Variants in PIK3C2G observed in about 807,000 individuals in gnomAD.
PIK3C2G encodes the protein phosphatidylinositol-4-phosphate 3-kinase catalytic subunit type 2 gamma.
In PIK3C2G, 168 loss-of-function variants were observed where a neutral mutation model predicts 181.1. The observed-to-expected ratio is 0.93, with a 90% CI of 0.82 to 1.05. PIK3C2G has a LOEUF of 1.05. PIK3C2G is among the 50% of genes least tolerant of loss of function. The probability of loss-of-function intolerance (pLI) is 0.00; values close to 1 mark genes in which losing one functional copy is unlikely to be tolerated. For synonymous variants in PIK3C2G, 573 were observed against 592.2 expected (o/e 0.97, Z 0.47); for missense variants, 1,869 against 1,732.8 (o/e 1.08, Z -1.40).
At chr12:18,509,425 T>C (rs1481198627) in intron 24 of PIK3C2G, among the ~76,000 whole-genome samples, 1 of 152,220 alleles carries the variant, frequency 6.6e-6, no homozygotes, top group Non-Finnish European at 1.5e-5. Flanking sequence ...AAGAAGGATC[T>C]TGAGAAAAAA....
intron 1 of PIK3C2G, among the ~76,000 whole-genome samples, chr12:18,263,647 C>A (rs966194374): frequency 1.3e-5 from 2 of 152,080 alleles, no homozygotes; most frequent in African/African-American, 4.8e-5. Context: ...TATTCTTTAC[C>A]TCCTGAATTA....
chr12:18,379,724 G>A (rs1201476909), intron 13 of PIK3C2G, among the ~76,000 whole-genome samples: 2 of 152,130 alleles, frequency 1.3e-5, no homozygotes, highest in Non-Finnish European at 2.9e-5. Flanking sequence ...GGCTCCCCCA[G>A]CTTGGCCAGG....
the PIK3C2G span, among the ~76,000 whole-genome samples, chr12:18,680,080 T>C: frequency 6.8e-6 from 1 of 147,332 alleles, no homozygotes; most frequent in South Asian, 2.1e-4. Context: ...CAGTGTGTTA[T>C]TACTTGGAAA....
chr12:18,461,622 TTTG>T (rs1387627346), intron 18 of PIK3C2G, among the ~76,000 whole-genome samples: 1 of 152,154 alleles, frequency 6.6e-6, no homozygotes, highest in Non-Finnish European at 1.5e-5. Flanking sequence ...TCTAACTTGG[TTTG>T]TTAATAGTGT....
intron 18 of PIK3C2G, among the ~76,000 whole-genome samples, chr12:18,441,867 A>C (rs1190615624): frequency 6.6e-6 from 1 of 152,194 alleles, no homozygotes; most frequent in Non-Finnish European, 1.5e-5. Flanking sequence ...CAGCATTGTG[A>C]ATCATTCTAT....
intron 5 of PIK3C2G, among the ~76,000 whole-genome samples, chr12:18,312,737 C>G (rs1356026725): frequency 6.6e-6 from 1 of 152,070 alleles, no homozygotes; most frequent in Non-Finnish European, 1.5e-5. Flanking sequence ...TAGGAATAGG[C>G]ACTGAACATA....
intron 1 of PIK3C2G, among the ~76,000 whole-genome samples, chr12:18,274,772 G>T (rs1037116770): frequency 1.3e-5 from 2 of 152,090 alleles, no homozygotes; most frequent in African/African-American, 2.4e-5. Context: ...CCTGCACGTT[G>T]TGCACATGTA....
the PIK3C2G span, among the ~76,000 whole-genome samples, chr12:18,664,316 T>C: frequency 6.6e-6 from 1 of 152,188 alleles, no homozygotes; most frequent in Non-Finnish European, 1.5e-5. Context: ...AAAATATATT[T>C]GTACATCCAT....
At chr12:18,692,659 A>C in the PIK3C2G span, 1 of 645,964 alleles carries the variant, frequency 1.5e-6, no homozygotes, top group Non-Finnish European at 2.7e-6. Context: ...GCAGGAGAAA[A>C]AAATCATTTC....
At chr12:18,398,130 A>G (rs1944003483) in intron 15 of PIK3C2G, among the ~76,000 whole-genome samples, 1 of 152,130 alleles carries the variant, frequency 6.6e-6, no homozygotes, top group African/African-American at 2.4e-5. Context: ...ACATCAACAA[A>G]ACTATTTTAT....
chr12:18,602,976 A>G (rs1947817021), intron 30 of PIK3C2G, among the ~76,000 whole-genome samples: 1 of 152,178 alleles, frequency 6.6e-6, no homozygotes, highest in South Asian at 2.1e-4. Context: ...ATCAACACCC[A>G]CTAAAAATCA....
At chr12:18,560,691 T>G (rs1186061853) in intron 26 of PIK3C2G, among the ~76,000 whole-genome samples, 1 of 151,874 alleles carries the variant, frequency 6.6e-6, no homozygotes, top group Non-Finnish European at 1.5e-5. Flanking sequence ...TATATAAAAC[T>G]ATATCAAAAC....
intron 14 of PIK3C2G, among the ~76,000 whole-genome samples, chr12:18,386,297 T>G (rs1378662873): frequency 3.3e-5 from 5 of 152,200 alleles, no homozygotes; most frequent in Admixed American, 2.0e-4. Flanking sequence ...TGAGATGTAA[T>G]TCACATACCA....
chr12:18,391,825 G>A (rs11044066), intron 15 of PIK3C2G, among the ~76,000 whole-genome samples: 19,627 of 151,940 alleles, frequency 0.13, 1,309 homozygotes, highest in African/African-American at 0.16. Flanking sequence ...AACAAGCCAA[G>A]GGCATCAAAC....
At chr12:18,281,652 C>T (rs954698914) in intron 1 of PIK3C2G, among the ~76,000 whole-genome samples, 3 of 151,948 alleles carry the variant, frequency 2.0e-5, no homozygotes, top group Non-Finnish European at 2.9e-5. Flanking sequence ...ATGAAAGAGA[C>T]TTTAGCATGC....
the PIK3C2G span, among the ~76,000 whole-genome samples, chr12:18,666,998 C>G: frequency 6.6e-6 from 1 of 152,134 alleles, no homozygotes; most frequent in African/African-American, 2.4e-5. Flanking sequence ...TGGCCTAGAA[C>G]TAAAAATACC....
the PIK3C2G span, among the ~76,000 whole-genome samples, chr12:18,678,929 A>G: frequency 6.6e-6 from 1 of 152,040 alleles, no homozygotes; most frequent in African/African-American, 2.4e-5. Context: ...CTGTTTTCAC[A>G]GTGATTGTCC....
In PIK3C2G at chr12:18,648,187, T is replaced by G; in HGVS notation, c.*159T>G. On this transcript the variant is annotated 3_prime_UTR_variant, in exon 33 of 33. Coordinates refer to ENST00000538779, the MANE Select transcript of PIK3C2G (RefSeq NM_001288772.2). The stretch of plus-strand genomic sequence containing the variant: ...GAATTAGTCTTTTGTGTTGTTTATT[T>G]TCTACCTGTGCTTTCATTGTTTTTT... The G allele has an allele frequency of 5.2e-6, 2 of 385,078 alleles. No homozygotes were observed. The highest frequency in any genetic ancestry group is 9.2e-6 in the Non-Finnish European group (2 of 216,828). The allele number at this position is 385,078 out of a possible 1,614,324, so 23.9% of individuals were successfully genotyped here.
At chr12:18,308,359 C>G (rs1950504240) in intron 5 of PIK3C2G, among the ~76,000 whole-genome samples, 1 of 151,600 alleles carries the variant, frequency 6.6e-6, no homozygotes, top group African/African-American at 2.4e-5. Context: ...AATAGACATT[C>G]TCAGAAATAA....
Sources: gnomAD v4.1 joint callset for allele counts (sites outside exome capture counted in the v4.1 genomes callset) on GRCh38, gnomAD v4.1.1 for gene constraint, MANE v1.5 for transcripts, NCBI Gene and HGNC (gene_info 2026-07-23, HGNC 2026-07-21) for gene names.